Variants in TGFBR3 observed in about 807,000 individuals in gnomAD.
TGFBR3 encodes the protein transforming growth factor beta receptor 3.
In TGFBR3, 46 loss-of-function variants were observed where a neutral mutation model predicts 87.9. The observed-to-expected ratio is 0.52, with a 90% CI of 0.41 to 0.67. The LOEUF is 0.67. TGFBR3 is among the 30% of genes least tolerant of loss of function. The pLI is 0.00. For synonymous variants in TGFBR3, 381 were observed against 391.6 expected (o/e 0.97, Z 0.32); for missense variants, 866 against 1,041.9 (o/e 0.83, Z 2.32).
intron 3 of TGFBR3, chr1:91,766,502 G>GTGATCAT (rs1211324433): frequency 7.3e-6 from 1 of 136,406 alleles, no homozygotes; most frequent in African/African-American, 2.7e-5. Context: ...AATCACTAGA[G>GTGATCAT]TGATCATTAG....
intron 2 of TGFBR3, among the ~76,000 whole-genome samples, chr1:91,896,966 T>A (rs990237032): frequency 1.8e-4 from 27 of 152,040 alleles, no homozygotes; most frequent in African/African-American, 5.6e-4. Flanking sequence ...TTTTTAACTT[T>A]TTTTTAAATT....
intron 3 of TGFBR3, among the ~76,000 whole-genome samples, chr1:91,780,636 T>C (rs1052921419): frequency 3.5e-5 from 5 of 141,016 alleles, no homozygotes; most frequent in Non-Finnish European, 7.6e-5. Context: ...ATTGGCTCAC[T>C]GCAACCTCTG....
At chr1:91,827,534 T>C (rs1676688651) in intron 2 of TGFBR3, among the ~76,000 whole-genome samples, 1 of 152,226 alleles carries the variant, frequency 6.6e-6, no homozygotes, top group African/African-American at 2.4e-5. Flanking sequence ...TTCCGTGATG[T>C]GACAGCCCCA....
intron 3 of TGFBR3, among the ~76,000 whole-genome samples, chr1:91,784,397 A>G (rs964242267): frequency 2.0e-5 from 3 of 152,230 alleles, no homozygotes; most frequent in Non-Finnish European, 2.9e-5. Context: ...AATTTGCATA[A>G]TGCAAAAAAA....
intron 1 of TGFBR3, among the ~76,000 whole-genome samples, chr1:91,901,769 C>A: frequency 6.6e-6 from 1 of 151,376 alleles, no homozygotes; most frequent in South Asian, 2.1e-4. Flanking sequence ...AAAAGTTAGC[C>A]AGACATGGTA....
At chr1:91,841,225 G>A (rs1677265850) in intron 2 of TGFBR3, among the ~76,000 whole-genome samples, 1 of 152,204 alleles carries the variant, frequency 6.6e-6, no homozygotes, top group Admixed American at 6.5e-5. Context: ...GACCAGATCA[G>A]CTCACAACTC....
At chr1:91,729,749 CAAGG>C (rs1672696952) in intron 6 of TGFBR3, 52 bp downstream of exon 6, 2 of 1,604,802 alleles carry the variant, frequency 1.2e-6, no homozygotes, top group East Asian at 4.5e-5. Context: ...TGCCTCAAGT[CAAGG>C]AAGATCTTTA....
chr1:91,849,674 G>C (rs560556855), intron 2 of TGFBR3, among the ~76,000 whole-genome samples: 5 of 152,280 alleles, frequency 3.3e-5, no homozygotes, highest in Admixed American at 6.5e-5. Flanking sequence ...ATTTTTATCT[G>C]TTTTGTTTAC....
At chr1:91,695,607 T>G in intron 16 of TGFBR3, 65 bp downstream of exon 16, 1 of 1,219,890 alleles carries the variant, frequency 8.2e-7, no homozygotes, top group Non-Finnish European at 1.2e-6. Context: ...AACAAAACAC[T>G]GAGTGTCTAT....
At position 91,727,796 on chromosome 1, in the gene TGFBR3, C is replaced by T. The variant is rs1359794578; in HGVS notation, c.748G>A (p.Val250Met). ...PNSNPYSAFQ[V>M]DITIDIRPSQ... ...GGTCTTATATCAATTGTTATATCCA[C>T]CTGGAAAGCACTGTGAATGGAAGAC... The change falls in exon 7 of 17, where the codon GTG (valine) becomes ATG (methionine). Residue 250 changes from valine to methionine, a missense_variant. Transcript: ENST00000212355. 1.2e-6 allele frequency: 2 copies of T among 1,613,734 alleles called. No homozygotes were observed. Among genetic ancestry groups the T allele is most frequent in the African/African-American group, 1.3e-5 (1 of 74,916 alleles).
intron 3 of TGFBR3, chr1:91,783,088 G>A (rs1412401517): frequency 1.3e-5 from 2 of 152,306 alleles, no homozygotes; most frequent in Non-Finnish European, 2.9e-5. Flanking sequence ...CCGGGCAAGA[G>A]TTAGGCTATG....
chr1:91,770,055 A>G (rs1412121560), intron 3 of TGFBR3, among the ~76,000 whole-genome samples: 1 of 152,142 alleles, frequency 6.6e-6, no homozygotes, highest in Non-Finnish European at 1.5e-5. Context: ...AGTGCCAAAG[A>G]TTTGCTAGGC....
chr1:91,680,456 A>C lies in TGFBR3; in HGVS notation c.*3283T>G, dbSNP rs1670870019. 2.2e-6 allele frequency: 1 copy of C among 454,146 alleles called. No individual in the cohort carries two copies. 28.1% of individuals were successfully genotyped at this position (454,146 alleles called of 1,614,324 possible). On this transcript the variant is annotated 3_prime_UTR_variant, in exon 17 of 17. Transcript: ENST00000212355. ...AAATAGCTGACACACTGAACAGAGA[A>C]AAGAATACAACAGGGGTGTTCAAAC... is the stretch of plus-strand genomic sequence containing the variant.
chr1:91,744,672 T>C (rs1206322531), intron 4 of TGFBR3, among the ~76,000 whole-genome samples: 5 of 152,208 alleles, frequency 3.3e-5, no homozygotes, highest in East Asian at 3.9e-4. Flanking sequence ...GGTAGAAATG[T>C]AGGAAACTAC....
chr1:91,885,417 C>T (rs1679258044), intron 1 of TGFBR3, among the ~76,000 whole-genome samples: 1 of 151,904 alleles, frequency 6.6e-6, no homozygotes, highest in African/African-American at 2.4e-5. Flanking sequence ...CCTGAGGGCG[C>T]GGCCAGCGGG....
At chr1:91,686,743 G>C (rs1370290705) in intron 16 of TGFBR3, among the ~76,000 whole-genome samples, 1 of 152,192 alleles carries the variant, frequency 6.6e-6, no homozygotes, top group Non-Finnish European at 1.5e-5. Context: ...TTGGCTGTCT[G>C]CTCTCCACTG....
intron 2 of TGFBR3, among the ~76,000 whole-genome samples, chr1:91,894,588 C>A (rs746043217): frequency 6.6e-6 from 1 of 152,214 alleles, no homozygotes; most frequent in Admixed American, 6.5e-5. Context: ...TTAGTTTACG[C>A]AAGAGATTAC....
chr1:91,866,243 T>C (rs989881963), intron 1 of TGFBR3, among the ~76,000 whole-genome samples: 1 of 152,216 alleles, frequency 6.6e-6, no homozygotes, highest in African/African-American at 2.4e-5. Flanking sequence ...AATGGATGTC[T>C]GGCAATAGGC....
chr1:91,776,646 G>T (rs571604069), intron 3 of TGFBR3, among the ~76,000 whole-genome samples: 1 of 152,302 alleles, frequency 6.6e-6, no homozygotes, highest in South Asian at 2.1e-4. Flanking sequence ...CTTTGGCTCT[G>T]ATCAGTGTAG....
Sources: gnomAD v4.1 joint callset for allele counts (sites outside exome capture counted in the v4.1 genomes callset) on GRCh38, gnomAD v4.1.1 for gene constraint, MANE v1.5 for transcripts, NCBI Gene and HGNC (gene_info 2026-07-23, HGNC 2026-07-21) for gene names.